The following ZNF724 variants were observed in gnomAD, a reference collection of about 807,000 sequenced individuals.
The protein encoded by ZNF724 is zinc finger protein 724.
ZNF724 carries 14 observed loss-of-function variants against 29.3 expected under a neutral mutation model. That is an observed-to-expected ratio of 0.48 (90% CI 0.32 to 0.75). ZNF724 has a LOEUF of 0.75. ZNF724 is among the 30% of genes least tolerant of loss of function. The pLI is 0.04. For missense variants in ZNF724, 557 were observed against 571.2 expected, an observed-to-expected ratio of 0.98 and a Z score of 0.25; for synonymous variants, 180 against 193.6, an observed-to-expected ratio of 0.93 and a Z score of 0.58.
At chr19:23,238,898 C>T (rs1972066865) in intron 1 of ZNF724, among the ~76,000 whole-genome samples, 1 of 152,192 alleles carries the variant, frequency 6.6e-6, no homozygotes. Flanking sequence ...CAGAGTGAGA[C>T]TCCATCTCAA....
intron 1 of ZNF724, 90 bp from the exon 2 acceptor site, chr19:23,232,383 C>A: frequency 2.8e-6 from 2 of 710,834 alleles, no homozygotes; most frequent in South Asian, 3.3e-5. Context: ...AAGGAGTACT[C>A]ATTCTGACTT....
At chr19:23,249,487 C>T (rs1972310244) in intron 1 of ZNF724, among the ~76,000 whole-genome samples, 2 of 152,066 alleles carry the variant, frequency 1.3e-5, no homozygotes, top group Admixed American at 6.6e-5. Context: ...CAACCTCCGC[C>T]TCCCGGGTTC....
intron 1 of ZNF724, among the ~76,000 whole-genome samples, chr19:23,248,965 G>A (rs1414147958): frequency 5.9e-5 from 9 of 151,902 alleles, no homozygotes; most frequent in Non-Finnish European, 2.9e-5. Context: ...CAGCTTGGGC[G>A]TCAGTGCAGG....
intron 1 of ZNF724, among the ~76,000 whole-genome samples, chr19:23,240,800 G>A (rs183837666): frequency 6.6e-6 from 1 of 151,112 alleles, no homozygotes; most frequent in East Asian, 1.9e-4. Context: ...GGGAGGCCGA[G>A]GCAGGTGGAT....
intron 1 of ZNF724, among the ~76,000 whole-genome samples, chr19:23,239,416 A>G (rs1375734902): frequency 6.6e-6 from 1 of 152,240 alleles, no homozygotes; most frequent in Non-Finnish European, 1.5e-5. Context: ...TACAAAGAAA[A>G]CCACTTCAAA....
chr19:23,228,584 G>A (rs1365345688), intron 3 of ZNF724, among the ~76,000 whole-genome samples: 2 of 151,834 alleles, frequency 1.3e-5, no homozygotes, highest in Admixed American at 1.3e-4. Flanking sequence ...GCGAAACCCT[G>A]TCTCTACTAA....
rs1176222005 is a variant in ZNF724, at chr19:23,223,154, TTC to T, written c.1089_1090del (p.Lys364ThrfsTer5). Reference sequence around the variant, plus strand: ...GCCACACTCTTCACATTTGTAAGGTTTCTCTCCAGTATGAATTCTCTTATGTT... The same window carrying T: ...GCCACACTCTTCACATTTGTAAGGTTTCTCCAGTATGAATTCTCTTATGTT... On this transcript the variant is annotated frameshift_variant, in exon 4 of 4. Transcript: ENST00000418100. LOFTEE classifies it high-confidence loss of function. 2.3e-6 allele frequency: 3 copies of T among 1,287,410 alleles called. No homozygotes were observed. In the African/African-American group the frequency reaches 4.4e-5, roughly 19 times the overall value. 79.7% of individuals were successfully genotyped at this position (1,287,410 alleles called of 1,614,324 possible). A position where few individuals can be genotyped will look rare whatever the true frequency, so the allele number is the denominator to read the frequency against.
At chr19:23,246,787 CAATTATCTACCACATTTTCTTGTG>C (rs1198862201) in intron 1 of ZNF724, among the ~76,000 whole-genome samples, 2 of 152,198 alleles carry the variant, frequency 1.3e-5, no homozygotes, top group Non-Finnish European at 2.9e-5. Flanking sequence ...TGTAACTCAG[CAATTATCTACCACATTTTCTTGTG>C]AACATGTATT....
Position 23,250,286 on chromosome 19 carries a change from T to G in ZNF724, c.-44A>C, listed in dbSNP as rs771173756. 3 of 660,752 alleles carry G rather than the reference T, an allele frequency of 4.5e-6. No homozygotes were observed. The highest frequency in any genetic ancestry group is 4.0e-5 in the South Asian group (3 of 74,592). 40.9% of individuals were successfully genotyped at this position (660,752 alleles called of 1,614,324 possible). A position where few individuals can be genotyped will look rare whatever the true frequency, so the allele number is the denominator to read the frequency against. Reference sequence around the variant, plus strand: ...GGCCCTGGCGTCTTAGCTGTGGATCTCCCAATGCTTGCAGGTCAGAGGGCC... The same window carrying G: ...GGCCCTGGCGTCTTAGCTGTGGATCGCCCAATGCTTGCAGGTCAGAGGGCC... On this transcript the variant is annotated 5_prime_UTR_variant, in exon 1 of 4. Transcript: ENST00000418100.
chr19:23,226,764 T>C (rs1412756075), intron 3 of ZNF724, among the ~76,000 whole-genome samples: 1 of 152,146 alleles, frequency 6.6e-6, no homozygotes, highest in Non-Finnish European at 1.5e-5. Context: ...ATTAGGGTCA[T>C]ATTTATAAAT....
rs1230186725 is a variant in ZNF724 at position 23,250,374 on chromosome 19, G to C, written c.-132C>G. 2.1e-6 allele frequency: 1 copy of C among 467,992 alleles called. No homozygotes were observed. Among genetic ancestry groups the C allele is most frequent in the South Asian group, 1.7e-5 (1 of 60,286 alleles). 29.0% of individuals were successfully genotyped at this position (467,992 alleles called of 1,614,324 possible). A position where few individuals can be genotyped will look rare whatever the true frequency, so the allele number is the denominator to read the frequency against. ...AGGGAAGACGAGACCAAGCGCTCCA[G>C]CTGCAGCGAGAGACAAAGGCCCCGC... On this transcript the variant is annotated 5_prime_UTR_variant, in exon 1 of 4. Transcript: ENST00000418100.
chr19:23,235,153 G>A (rs4932843), intron 1 of ZNF724, among the ~76,000 whole-genome samples: 16 of 145,360 alleles, frequency 1.1e-4, no homozygotes, highest in East Asian at 8.1e-4. Flanking sequence ...GTATGTTACA[G>A]AGCACTGTGC....
chr19:23,240,403 A>G (rs139273101), intron 1 of ZNF724, among the ~76,000 whole-genome samples: 1 of 152,134 alleles, frequency 6.6e-6, no homozygotes, highest in Non-Finnish European at 1.5e-5. Context: ...TAAGGCCCAG[A>G]GTTTTGGTCG....
In ZNF724 at chr19:23,242,337, G is replaced by A. The variant is rs983599937; in HGVS notation, c.3+7903C>T. The stretch of plus-strand genomic sequence containing the variant: ...CTCACGCCTATAATCCCAGAACTTT[G>A]GGAGGCTGAGGCAGGCAGATTGCCT... On this transcript the variant is annotated intron_variant, in intron 1 of 3. Transcript: ENST00000418100. 2.0e-5 allele frequency among the ~76,000 whole-genome samples: 3 copies of A among 152,132 alleles called. No individual in the cohort carries two copies. In the East Asian group the frequency reaches 5.8e-4, roughly 29 times the overall value.
At chr19:23,249,400 C>CAA in intron 1 of ZNF724, among the ~76,000 whole-genome samples, 1 of 124,224 alleles carries the variant, frequency 8.0e-6, no homozygotes, top group African/African-American at 2.6e-5. Context: ...GCCACTATGC[C>CAA]CGGCTTTTTT....
rs1030690745 is a variant in ZNF724 at position 23,223,415 on chromosome 19, G to C, written c.830C>G (p.Thr277Ser). 1 of 771,584 alleles carries C rather than the reference G, an allele frequency of 1.3e-6. No individual in the cohort carries two copies. The highest frequency in any genetic ancestry group is 2.4e-6 in the Non-Finnish European group (1 of 414,268). The allele number at this position is 771,584 out of a possible 1,614,324, so 47.8% of individuals were successfully genotyped here. A position where few individuals can be genotyped will look rare whatever the true frequency, so the allele number is the denominator to read the frequency against. ...SHLTTHKIIHTGENAYKCKEC... is the reference protein window; with the variant it reads ...SHLTTHKIIHSGENAYKCKEC... ...TTTACATTTGTAGGCATTCTCTCCA[G>C]TATGAATTATCTTATGTGTAGTAAG... is the stretch of plus-strand genomic sequence containing the variant. The change falls in exon 4 of 4, where the codon ACT becomes AGT. Residue 277 changes from threonine to serine, a missense_variant. Thr to Ser is a moderately conservative substitution (Grantham distance 58). Transcript: ENST00000418100.
At position 23,221,629 on chromosome 19, in the gene ZNF724, G is replaced by A. The variant is rs1190307186; in HGVS notation, c.*756C>T. 6.6e-6 allele frequency: 1 copy of A among 152,098 alleles called. No individual in the cohort carries two copies. The highest frequency in any genetic ancestry group is 2.4e-5 in the African/African-American group (1 of 41,356). The allele number at this position is 152,098 out of a possible 1,614,324, so 9.4% of individuals were successfully genotyped here. Reference sequence around the variant, plus strand: ...GGAGTGCAGCTGGAGTGCCCAGGCTGGAGTGTGGTGGCACAAACTCAGCTC... The same window carrying A: ...GGAGTGCAGCTGGAGTGCCCAGGCTAGAGTGTGGTGGCACAAACTCAGCTC... On this transcript the variant is annotated 3_prime_UTR_variant, in exon 4 of 4. Coordinates refer to ENST00000418100, the MANE Select transcript of ZNF724 (RefSeq NM_001355404.2).
rs781624890 is a variant in ZNF724, at chr19:23,231,289, T to C, written c.203A>G (p.His68Arg). The C allele has an allele frequency of 2.9e-6, 4 of 1,370,488 alleles. No homozygotes were observed. In the South Asian group the frequency reaches 4.7e-5, roughly 16 times the overall value. 84.9% of individuals were successfully genotyped at this position (1,370,488 alleles called of 1,614,324 possible). The change falls in exon 3 of 4, where the codon CAT becomes CGT. Residue 68 changes from histidine to arginine, a missense_variant. Around this residue, in one of 3 missense-constraint regions of ZNF724, gnomAD observed 362 missense variants for 295.5 expected, o/e 1.22. Transcript: ENST00000418100. ...ACCTGGGGGTTTGGCCACCATCTCATGTCTCTCCATATTCCAGGGCTCTTT... is the reference window on the plus strand; with the variant it reads ...ACCTGGGGGTTTGGCCACCATCTCACGTCTCTCCATATTCCAGGGCTCTTT... ...QGKEPWNMER[H>R]EMVAKPPGMC...
chr19:23,234,086 A>G (rs1599641814), intron 1 of ZNF724, among the ~76,000 whole-genome samples: 1 of 152,278 alleles, frequency 6.6e-6, no homozygotes, highest in East Asian at 1.9e-4. Context: ...TGCTACAATA[A>G]TGGAAATATG....
Sources: allele counts gnomAD v4.1 joint callset (sites outside exome capture counted in the v4.1 genomes callset), GRCh38; gene constraint gnomAD v4.1.1; regional missense constraint gnomAD v4.1.1; transcripts MANE v1.5; gene names NCBI Gene and HGNC (gene_info 2026-07-23, HGNC 2026-07-21).